Variants in NR4A3 observed in about 807,000 individuals in gnomAD.
NR4A3 encodes nuclear receptor subfamily 4 group A member 3.
A neutral mutation model predicts 55.6 loss-of-function variants in NR4A3; 13 were observed. That is an observed-to-expected ratio of 0.23 (90% CI 0.15 to 0.37). The LOEUF is 0.37. Ranked by LOEUF, NR4A3 falls within the 10% of genes least tolerant of loss-of-function variation. NR4A3 has a pLI of 1.00. For synonymous variants in NR4A3, 342 were observed against 357.9 expected, an observed-to-expected ratio of 0.96 and a Z score of 0.50; for missense variants, 646 against 822.8, an observed-to-expected ratio of 0.79 and a Z score of 2.63.
At chr9:99,826,980 T>C (rs1449454314) in intron 2 of NR4A3, among the ~76,000 whole-genome samples, 1 of 152,194 alleles carries the variant, frequency 6.6e-6, no homozygotes, top group Non-Finnish European at 1.5e-5. Context: ...GAAAAATAAT[T>C]AGATAAATCA....
intron 5 of NR4A3, among the ~76,000 whole-genome samples, chr9:99,834,242 C>T (rs949075863): frequency 2.6e-5 from 4 of 152,100 alleles, no homozygotes; most frequent in African/African-American, 9.7e-5. Context: ...TTGGATAACA[C>T]AGAGAAGAAC....
chr9:99,863,637 G>T lies in NR4A3; in HGVS notation c.1651G>T (p.Glu551Ter), dbSNP rs1422645011. ...SMITERHGLK[E>*]PKRVEELCNK... Reference sequence around the variant, plus strand: ...CTCTGCAGAAAGACATGGGTTAAAAGAACCAAAGAGAGTCGAAGAGCTATG... The same window carrying T: ...CTCTGCAGAAAGACATGGGTTAAAATAACCAAAGAGAGTCGAAGAGCTATG... Residue 551 changes from glutamate (E) to a stop codon, truncating the protein, a stop_gained, in exon 8 of 8, where the codon GAA (glutamate) becomes TAA (stop). Transcript: ENST00000395097. LOFTEE classifies it high-confidence loss of function. 6.2e-7 allele frequency: 1 copy of T among 1,613,682 alleles called. No homozygotes were observed.
chr9:99,843,872 G>A (rs187157985), intron 5 of NR4A3, among the ~76,000 whole-genome samples: 1 of 152,034 alleles, frequency 6.6e-6, no homozygotes, highest in Non-Finnish European at 1.5e-5. Flanking sequence ...TCGTGCCTCA[G>A]CCTCCCGAGT....
Position 99,828,122 on chromosome 9 carries a change from C to T in NR4A3, c.80C>T (p.Thr27Ile). ...YAAQTYSSEY[T>I]TEIMNPDYTK... The stretch of plus-strand genomic sequence containing the variant: ...GCGCAGACATACAGCTCGGAATACA[C>T]CACGGAGATCATGAACCCCGACTAC... The change falls in exon 3 of 8, where the codon ACC becomes ATC. Residue 27 changes from threonine to isoleucine, a missense_variant. Physicochemically the swap from Thr to Ile is moderately conservative, Grantham distance 89. Transcript: ENST00000395097. This position sits in a 1 kb window ranked among gnomAD's most constrained non-coding sequence, Gnocchi z 7.7. 6.2e-7 allele frequency: 1 copy of T among 1,614,072 alleles called. No individual in the cohort carries two copies. Among genetic ancestry groups the T allele is most frequent in the Non-Finnish European group, 8.5e-7 (1 of 1,180,014 alleles).
chr9:99,834,717 A>G, intron 5 of NR4A3: 1 of 803,656 alleles, frequency 1.2e-6, no homozygotes, highest in Non-Finnish European at 1.5e-6. Flanking sequence ...GATAGAAATG[A>G]TTAGTGTACC....
At chr9:99,848,889 G>T (rs1383167130) in intron 7 of NR4A3, among the ~76,000 whole-genome samples, 2 of 152,220 alleles carry the variant, frequency 1.3e-5, no homozygotes, top group African/African-American at 4.8e-5. Flanking sequence ...TCAGACTGGG[G>T]CCTGGGGAGG....
Position 99,829,007 on chromosome 9 carries a change from G to T in NR4A3, c.951+14G>T. The T allele has an allele frequency of 3.8e-6, 5 of 1,328,494 alleles. 1 individual carries two copies. The highest frequency in any genetic ancestry group is 3.9e-6 in the Non-Finnish European group (4 of 1,037,440). 82.3% of individuals were successfully genotyped at this position (1,328,494 alleles called of 1,614,324 possible). On this transcript the variant is annotated intron_variant, in intron 3 of 7. Transcript: ENST00000395097. ...GGCTTTTTCAAGGTGAGCGCACGCC[G>T]CCCCCTCCCCTCCGCACCCAGCCCC...
chr9:99,859,413 T>C (rs1348722864), intron 7 of NR4A3, among the ~76,000 whole-genome samples: 5 of 152,230 alleles, frequency 3.3e-5, no homozygotes, highest in African/African-American at 1.2e-4. Flanking sequence ...GATTTGAAAA[T>C]CTTCCTGGCT....
At chr9:99,833,647 T>C in intron 5 of NR4A3, 193 bp downstream of exon 5, 2 of 1,593,156 alleles carry the variant, frequency 1.3e-6, no homozygotes, top group Non-Finnish European at 1.7e-6. Flanking sequence ...TTATTGAATC[T>C]CTAAATGCCT....
intron 7 of NR4A3, among the ~76,000 whole-genome samples, chr9:99,862,533 G>A (rs1036771585): frequency 2.2e-5 from 2 of 91,872 alleles, no homozygotes; most frequent in Admixed American, 3.1e-4. Flanking sequence ...CTAGGCAACA[G>A]AGTAAGACTC....
At chr9:99,824,996 C>A (rs1327068731) in intron 1 of NR4A3, among the ~76,000 whole-genome samples, 1 of 152,252 alleles carries the variant, frequency 6.6e-6, no homozygotes, top group African/African-American at 2.4e-5. Flanking sequence ...CCGCTTCGTC[C>A]CCTTGCTTCC....
intron 5 of NR4A3, among the ~76,000 whole-genome samples, chr9:99,839,404 G>A (rs1261389082): frequency 6.6e-6 from 1 of 152,196 alleles, no homozygotes; most frequent in Non-Finnish European, 1.5e-5. Context: ...AAGTGAGATA[G>A]AGTAAATATT....
intron 7 of NR4A3, among the ~76,000 whole-genome samples, chr9:99,848,435 C>T (rs1827793703): frequency 6.6e-6 from 1 of 152,150 alleles, no homozygotes. Context: ...ACCTCTGCCT[C>T]CTGGGTCCAA....
At chr9:99,826,169 T>C (rs914385154) in intron 2 of NR4A3, among the ~76,000 whole-genome samples, 5 of 152,242 alleles carry the variant, frequency 3.3e-5, no homozygotes, top group South Asian at 2.1e-4. Flanking sequence ...GTAAGAGTTA[T>C]GGAATCACTT....
chr9:99,828,281 A>G lies in NR4A3; in HGVS notation c.239A>G (p.Gln80Arg), dbSNP rs747777004. ...ELKPSCVYQM[Q>R]RPLIKVEEGR... Reference sequence around the variant, plus strand: ...AAGCCTTCCTGCGTGTACCAAATGCAGCGGCCCTTGATCAAAGTGGAGGAG... The same window carrying G: ...AAGCCTTCCTGCGTGTACCAAATGCGGCGGCCCTTGATCAAAGTGGAGGAG... Residue 80 changes from glutamine to arginine, a missense_variant, in exon 3 of 8, where the codon CAG becomes CGG. This residue lies in a region of NR4A3 where 426 missense variants were observed against 429.4 expected (regional missense o/e 0.99). Transcript: ENST00000395097. The surrounding 1 kb of genome is among the most constrained non-coding windows in gnomAD (Gnocchi z 7.7). 1 of 1,613,998 alleles carries G rather than the reference A, an allele frequency of 6.2e-7. No homozygotes were observed. The highest frequency in any genetic ancestry group is 1.1e-5 in the South Asian group (1 of 91,072).
At chr9:99,833,588 C>T (rs757824827) in intron 5 of NR4A3, 134 bp downstream of exon 5, 22 of 1,603,618 alleles carry the variant, frequency 1.4e-5, no homozygotes, top group East Asian at 2.2e-5. Flanking sequence ...CTATATTTCT[C>T]GCTTCATTTA....
At chr9:99,846,497 G>C (rs911555632) in intron 6 of NR4A3, among the ~76,000 whole-genome samples, 8 of 152,270 alleles carry the variant, frequency 5.3e-5, no homozygotes, top group Non-Finnish European at 1.2e-4. Context: ...GATGATGATG[G>C]ACATAATATA....
At chr9:99,855,373 G>C (rs1827911861) in intron 7 of NR4A3, among the ~76,000 whole-genome samples, 1 of 152,054 alleles carries the variant, frequency 6.6e-6, no homozygotes, top group Non-Finnish European at 1.5e-5. Context: ...TCCCAAATTA[G>C]AAAAATCTGA....
intron 6 of NR4A3, among the ~76,000 whole-genome samples, chr9:99,846,545 C>A (rs976982392): frequency 1.3e-5 from 2 of 152,082 alleles, no homozygotes; most frequent in Non-Finnish European, 2.9e-5. Context: ...CCTCTGCAGC[C>A]CCAATGTTAA....
Sources: allele counts gnomAD v4.1 joint callset (sites outside exome capture counted in the v4.1 genomes callset), GRCh38; gene constraint gnomAD v4.1.1; regional missense constraint gnomAD v4.1.1; non-coding constraint Gnocchi (gnomAD v3.1); transcripts MANE v1.5; gene names NCBI Gene and HGNC (gene_info 2026-07-23, HGNC 2026-07-21).